CSN1S1: variants seen among roughly 807,000 people sequenced by gnomAD.
CSN1S1 encodes the protein alpha-S1-casein.
In CSN1S1, 63 loss-of-function variants were observed where a neutral mutation model predicts 49.1. The observed-to-expected ratio is 1.28, with a 90% CI of 1.05 to 1.58. CSN1S1 has a LOEUF of 1.58. Ranked by LOEUF, CSN1S1 falls within the 40% of genes most tolerant of loss-of-function variation. The probability of loss-of-function intolerance (pLI) is 0.00; values close to 1 mark genes in which losing one functional copy is unlikely to be tolerated. For synonymous variants in CSN1S1, 78 were observed against 67.1 expected (o/e 1.16, Z -0.79); for missense variants, 260 against 224.7 (o/e 1.16, Z -1.01).
At position 69,944,990 on chromosome 4, in the gene CSN1S1, C is replaced by A. The variant is rs1216807024; in HGVS notation, c.543C>A (p.Val181=). The A allele has an allele frequency of 6.2e-7, 1 of 1,612,586 alleles. No individual in the cohort carries two copies. The highest frequency in any genetic ancestry group is 1.7e-5 in the Admixed American group (1 of 59,842). The change falls in exon 15 of 16, where the codon GTC becomes GTA. Residue 181 remains valine, a synonymous_variant. Transcript: ENST00000246891. The stretch of plus-strand genomic sequence containing the variant: ...ATGAAAATTATGAAAAAAATAACGT[C>A]ATGCTACAGTGGTGGTAAGTTCATT... ...TAHENYEKNN[V]MLQW
chr4:69,937,048 C>A, intron 7 of CSN1S1, 73 bp from the exon 8 acceptor site: 1 of 1,273,680 alleles, frequency 7.9e-7, no homozygotes, highest in Non-Finnish European at 1.1e-6. Context: ...AGAGCAGGTG[C>A]TCAAACTTTA....
At chr4:69,936,057 A>C (rs1722769729) in intron 5 of CSN1S1, 108 bp downstream of exon 5, 1 of 854,424 alleles carries the variant, frequency 1.2e-6, no homozygotes, top group East Asian at 2.7e-5. Flanking sequence ...CAAGGATAAC[A>C]AATTTGAGTG....
chr4:69,939,225 T>C lies in CSN1S1; in HGVS notation c.276+17T>C. On this transcript the variant is annotated intron_variant, in intron 10 of 15. Transcript: ENST00000246891. The stretch of plus-strand genomic sequence containing the variant: ...TCGAGTGAGGTAAATAATTTTGATA[T>C]TAATTCTGTGTCCCAACTAATTTAA... 1 of 1,575,086 alleles carries C rather than the reference T, an allele frequency of 6.3e-7. No individual in the cohort carries two copies. Among genetic ancestry groups the C allele is most frequent in the Non-Finnish European group, 8.7e-7 (1 of 1,150,120 alleles).
rs554704161 is a variant in CSN1S1, at chr4:69,946,327, A to G, written c.*131A>G. The G allele has an allele frequency of 3.0e-6, 1 of 336,882 alleles. No homozygotes were observed. The allele number at this position is 336,882 out of a possible 1,614,324, so 20.9% of individuals were successfully genotyped here. A position where few individuals can be genotyped will look rare whatever the true frequency, so the allele number is the denominator to read the frequency against. On this transcript the variant is annotated 3_prime_UTR_variant, in exon 16 of 16. Coordinates refer to ENST00000246891, the MANE Select transcript of CSN1S1 (RefSeq NM_001890.2). ...TTGTTCTTTTTGAGTTATCTACTTA[A>G]TAGCATATCATTCTTTTTCTTAAGC... is the stretch of plus-strand genomic sequence containing the variant.
chr4:69,945,699 A>G (rs1005032067), intron 15 of CSN1S1, among the ~76,000 whole-genome samples: 3 of 151,996 alleles, frequency 2.0e-5, no homozygotes, highest in Admixed American at 1.3e-4. Context: ...TTTGGAAATT[A>G]TGTATCTAAC....
intron 4 of CSN1S1, among the ~76,000 whole-genome samples, chr4:69,935,663 A>G (rs966876479): frequency 6.6e-6 from 1 of 152,092 alleles, no homozygotes; most frequent in Non-Finnish European, 1.5e-5. Context: ...GAGCTGCTTT[A>G]TATTTTAATT....
rs1401552845 is a variant in CSN1S1, at chr4:69,944,830, T to C, written c.403-20T>C. On this transcript the variant is annotated intron_variant, in intron 14 of 15. Coordinates refer to ENST00000246891, the MANE Select transcript of CSN1S1 (RefSeq NM_001890.2). ...GCAATTGCTCATACACTGTTGCTTT[T>C]CAAATGTTTTTCCCTCTAGCCTTTC... The C allele has an allele frequency of 6.2e-6, 10 of 1,610,920 alleles. No homozygotes were observed. Among genetic ancestry groups the C allele is most frequent in the Middle Eastern group, 3.3e-4 (2 of 6,026 alleles).
chr4:69,941,039 C>T lies in CSN1S1; in HGVS notation c.321C>T (p.Asn107=), dbSNP rs1438215269. ...SKCAEQFCRL[N]EYNQLQLQAA... is the part of the protein sequence containing the mutation. ...AATAGGAACAGTTTTGTAGACTGAA[C>T]GAATACAACCAACTTCAGCTGGTAA... The change falls in exon 12 of 16, where the codon AAC becomes AAT. Residue 107 remains asparagine, a synonymous_variant. Coordinates refer to ENST00000246891, the MANE Select transcript of CSN1S1 (RefSeq NM_001890.2). 9.9e-6 allele frequency: 15 copies of T among 1,513,142 alleles called. No homozygotes were observed. The highest frequency in any genetic ancestry group is 2.8e-5 in the African/African-American group (2 of 71,522). 93.7% of individuals were successfully genotyped at this position (1,513,142 alleles called of 1,614,324 possible).
At chr4:69,946,133 A>G in intron 15 of CSN1S1, 63 bp from the exon 16 acceptor site, 3 of 454,822 alleles carry the variant, frequency 6.6e-6, no homozygotes, top group Non-Finnish European at 8.2e-6. Flanking sequence ...CTACCATAAG[A>G]GCTTTTCTTT....
intron 13 of CSN1S1, 150 bp from the exon 14 acceptor site, chr4:69,942,386 T>C: frequency 1.4e-6 from 1 of 703,254 alleles, no homozygotes; most frequent in South Asian, 2.0e-5. Context: ...AAATAAAAAG[T>C]GTTTTGACAT....
At chr4:69,933,246 A>C (rs1318597633) in intron 2 of CSN1S1, among the ~76,000 whole-genome samples, 1 of 152,010 alleles carries the variant, frequency 6.6e-6, no homozygotes, top group East Asian at 1.9e-4. Context: ...TGAACCAAAA[A>C]GTTTTCTCTG....
At chr4:69,943,961 G>A (rs533655871) in intron 14 of CSN1S1, among the ~76,000 whole-genome samples, 1 of 151,906 alleles carries the variant, frequency 6.6e-6, no homozygotes, top group East Asian at 1.9e-4. Context: ...TGATCTTTGG[G>A]AAACACATTC....
intron 9 of CSN1S1, among the ~76,000 whole-genome samples, chr4:69,938,618 T>C (rs1722879803): frequency 6.6e-6 from 1 of 151,644 alleles, no homozygotes; most frequent in South Asian, 2.1e-4. Flanking sequence ...TTAAAATATG[T>C]ATGTATTTGG....
chr4:69,933,119 AT>A lies in CSN1S1; in HGVS notation c.51+515del, dbSNP rs536866275. ...CAAGAAGGGATAGAAAACTAGGGTGATTCAGCTAATTGAGTGATCAATTTAT... is the reference window on the plus strand; with the variant it reads ...CAAGAAGGGATAGAAAACTAGGGTGATCAGCTAATTGAGTGATCAATTTAT... On this transcript the variant is annotated intron_variant, in intron 2 of 15. Coordinates refer to ENST00000246891, the MANE Select transcript of CSN1S1 (RefSeq NM_001890.2). 3.4e-3 allele frequency among the ~76,000 whole-genome samples: 524 copies of A among 152,104 alleles called. 2 individuals carry two copies. The highest frequency in any genetic ancestry group is 0.014 in the Middle Eastern group (4 of 294).
intron 9 of CSN1S1, among the ~76,000 whole-genome samples, chr4:69,938,780 A>G (rs1722886212): frequency 2.0e-5 from 3 of 151,774 alleles, no homozygotes; most frequent in African/African-American, 7.2e-5. Context: ...ATTCACATCA[A>G]AGAAGCCCCA....
intron 9 of CSN1S1, 23 bp downstream of exon 9, chr4:69,937,846 A>C (rs369337527): frequency 1.3e-6 from 2 of 1,564,248 alleles, no homozygotes; most frequent in African/African-American, 1.4e-5. Flanking sequence ...CATTCTAGTG[A>C]ACTCTACACT....
At chr4:69,934,439 G>A (rs1309681890) in intron 3 of CSN1S1, among the ~76,000 whole-genome samples, 195 bp downstream of exon 3, 1 of 152,030 alleles carries the variant, frequency 6.6e-6, no homozygotes, top group Non-Finnish European at 1.5e-5. Flanking sequence ...AAACATTTAT[G>A]TTAATAAAAA....
chr4:69,943,753 T>C (rs1456509290), intron 14 of CSN1S1, among the ~76,000 whole-genome samples: 1 of 151,936 alleles, frequency 6.6e-6, no homozygotes, highest in African/African-American at 2.4e-5. Flanking sequence ...TGTTTCATCA[T>C]CCCATGGTGG....
chr4:69,941,885 G>A (rs1159980257), intron 12 of CSN1S1, among the ~76,000 whole-genome samples, 161 bp from the exon 13 acceptor site: 2 of 151,830 alleles, frequency 1.3e-5, no homozygotes, highest in African/African-American at 4.8e-5. Flanking sequence ...CTCCACAACT[G>A]TTAGAACCTA....
Sources: gnomAD v4.1 joint callset for allele counts (sites outside exome capture counted in the v4.1 genomes callset) on GRCh38, gnomAD v4.1.1 for gene constraint, MANE v1.5 for transcripts, NCBI Gene and HGNC (gene_info 2026-07-23, HGNC 2026-07-21) for gene names.